GRM7: variants seen among roughly 807,000 people sequenced by gnomAD.
GRM7 encodes the protein glutamate metabotropic receptor 7, also known as metabotropic glutamate receptor 7.
A neutral mutation model predicts 84.5 loss-of-function variants in GRM7; 35 were observed. The observed-to-expected ratio is 0.41, with a 90% CI of 0.32 to 0.55. GRM7 has a LOEUF of 0.55. GRM7 is among the 20% of genes least tolerant of loss of function. GRM7 has a pLI of 0.19. For missense variants in GRM7, 1,003 were observed against 1,194.6 expected, an observed-to-expected ratio of 0.84 and a Z score of 2.36; for synonymous variants, 487 against 455.1, an observed-to-expected ratio of 1.07 and a Z score of -0.89.
intron 1 of GRM7, among the ~76,000 whole-genome samples, chr3:7,007,553 A>G (rs146897975): frequency 6.6e-6 from 1 of 152,240 alleles, no homozygotes; most frequent in East Asian, 1.9e-4. Context: ...TTCTTTCTCC[A>G]TTCCCAGACA....
chr3:7,693,604 C>T lies in GRM7; in HGVS notation c.2698+13309C>T, dbSNP rs1009442756. The T allele has an allele frequency of 2.8e-6, 4 of 1,422,068 alleles. No homozygotes were observed. In the African/African-American group the frequency reaches 5.7e-5, roughly 20 times the overall value. The allele number at this position is 1,422,068 out of a possible 1,614,324, so 88.1% of individuals were successfully genotyped here. On this transcript the variant is annotated intron_variant, in intron 9 of 9. Coordinates refer to ENST00000357716, the MANE Select transcript of GRM7 (RefSeq NM_000844.4). ...TTCCTGTGGTTTGCCAAAGTCCAGA[C>T]TGAGACTTGAGCTGTTGTTTTTATT... is the stretch of plus-strand genomic sequence containing the variant.
At chr3:6,995,112 T>G (rs938405612) in intron 1 of GRM7, among the ~76,000 whole-genome samples, 7 of 152,246 alleles carry the variant, frequency 4.6e-5, no homozygotes, top group African/African-American at 1.4e-4. Flanking sequence ...TGGTGACTTA[T>G]TCATCCCTGA....
chr3:7,365,134 G>T (rs1693823254), intron 4 of GRM7, among the ~76,000 whole-genome samples: 1 of 151,706 alleles, frequency 6.6e-6, no homozygotes, highest in African/African-American at 2.4e-5. Flanking sequence ...GCCAATACTT[G>T]ATTTGCTGCC....
chr3:7,526,249 A>G (rs534666692), intron 7 of GRM7, among the ~76,000 whole-genome samples: 1 of 152,218 alleles, frequency 6.6e-6, no homozygotes, highest in South Asian at 2.1e-4. Context: ...TGGCATGAGA[A>G]GGTATCACAT....
At chr3:6,870,084 C>A (rs868689102) in intron 1 of GRM7, among the ~76,000 whole-genome samples, 3 of 151,894 alleles carry the variant, frequency 2.0e-5, no homozygotes, top group Non-Finnish European at 4.4e-5. Context: ...CCTCCTCTCT[C>A]TCTCAGCTTA....
At chr3:7,530,285 G>C (rs1700985879) in intron 7 of GRM7, among the ~76,000 whole-genome samples, 1 of 151,984 alleles carries the variant, frequency 6.6e-6, no homozygotes, top group Non-Finnish European at 1.5e-5. Context: ...TCCTTTTTAT[G>C]GCTGCATAGT....
intron 1 of GRM7, among the ~76,000 whole-genome samples, chr3:7,001,305 G>A (rs1035337006): frequency 3.3e-5 from 5 of 152,068 alleles, no homozygotes; most frequent in African/African-American, 4.8e-5. Flanking sequence ...AGCTGTGATT[G>A]TGCAACTGCA....
chr3:7,536,888 GATA>G lies in GRM7; in HGVS notation c.1516-41526_1516-41524del, dbSNP rs768044466. 3.3e-5 allele frequency among the ~76,000 whole-genome samples: 5 copies of G among 152,274 alleles called. No individual in the cohort carries two copies. The South Asian group carries it at 1.0e-3, about 32-fold the overall frequency. ...TTTCTCACCCTCATAAATAGTGTGA[GATA>G]ATAATAAATATTTGTTAAGTTACAA... On this transcript the variant is annotated intron_variant, in intron 7 of 9. Coordinates refer to ENST00000357716, the MANE Select transcript of GRM7 (RefSeq NM_000844.4).
At chr3:7,253,309 A>G (rs1698073527) in intron 2 of GRM7, among the ~76,000 whole-genome samples, 1 of 152,154 alleles carries the variant, frequency 6.6e-6, no homozygotes, top group Admixed American at 6.5e-5. Context: ...CATTTTCCAG[A>G]CATTATTCTA....
intron 7 of GRM7, among the ~76,000 whole-genome samples, chr3:7,492,046 A>T (rs1173907542): frequency 6.6e-6 from 1 of 152,154 alleles, no homozygotes; most frequent in Non-Finnish European, 1.5e-5. Flanking sequence ...AGCCTTGCAT[A>T]CCTAGAAGGA....
At chr3:6,986,644 A>G (rs542493919) in intron 1 of GRM7, among the ~76,000 whole-genome samples, 55 of 152,290 alleles carry the variant, frequency 3.6e-4, no homozygotes, top group African/African-American at 1.1e-3. Context: ...AGCTCTCTGT[A>G]TGGAATAGGC....
chr3:7,394,087 A>G (rs1695110380), intron 4 of GRM7, among the ~76,000 whole-genome samples: 1 of 152,190 alleles, frequency 6.6e-6, no homozygotes, highest in African/African-American at 2.4e-5. Flanking sequence ...ACCTCAGCTT[A>G]GAAAATTTAA....
At chr3:6,991,530 G>A (rs1694634743) in intron 1 of GRM7, among the ~76,000 whole-genome samples, 1 of 152,172 alleles carries the variant, frequency 6.6e-6, no homozygotes, top group Non-Finnish European at 1.5e-5. Context: ...CTAAAGTTAA[G>A]AGTCAGTGAA....
chr3:7,625,274 G>T (rs1217680863), intron 8 of GRM7, among the ~76,000 whole-genome samples: 1 of 152,102 alleles, frequency 6.6e-6, no homozygotes, highest in African/African-American at 2.4e-5. Flanking sequence ...GCCTTTCAAA[G>T]CAGTAACAAA....
chr3:7,312,189 A>G (rs985852318), intron 4 of GRM7, among the ~76,000 whole-genome samples: 8 of 152,258 alleles, frequency 5.3e-5, no homozygotes, highest in Middle Eastern at 6.8e-3. Context: ...ACAGCGGGCA[A>G]TAAATGATGA....
At chr3:7,335,370 G>T (rs916615606) in intron 4 of GRM7, among the ~76,000 whole-genome samples, 3 of 151,924 alleles carry the variant, frequency 2.0e-5, no homozygotes, top group Admixed American at 2.0e-4. Flanking sequence ...TTGAATAATA[G>T]TGACACAACC....
intron 7 of GRM7, among the ~76,000 whole-genome samples, chr3:7,524,126 A>G (rs1700702460): frequency 6.6e-6 from 1 of 151,904 alleles, no homozygotes; most frequent in Non-Finnish European, 1.5e-5. Flanking sequence ...AGATGGGTTA[A>G]AGACTTAAAC....
At chr3:6,914,628 C>A (rs1185344584) in intron 1 of GRM7, among the ~76,000 whole-genome samples, 1 of 152,094 alleles carries the variant, frequency 6.6e-6, no homozygotes, top group Non-Finnish European at 1.5e-5. Context: ...GTCTCAAACT[C>A]CAGACCTCAT....
intron 1 of GRM7, among the ~76,000 whole-genome samples, chr3:6,990,755 C>T (rs992656134): frequency 6.6e-6 from 1 of 152,136 alleles, no homozygotes; most frequent in African/African-American, 2.4e-5. Flanking sequence ...CTTATTTCTC[C>T]CCAACATTCC....
Sources: allele counts gnomAD v4.1 joint callset (sites outside exome capture counted in the v4.1 genomes callset), GRCh38; gene constraint gnomAD v4.1.1; transcripts MANE v1.5; gene names NCBI Gene and HGNC (gene_info 2026-07-23, HGNC 2026-07-21).